Variants in NEGR1 observed in about 807,000 individuals in gnomAD.
NEGR1 encodes the protein neuronal growth regulator 1, also known as IgLON family member 4.
NEGR1 carries 10 observed loss-of-function variants against 40.9 expected under a neutral mutation model. The observed-to-expected ratio is 0.24, with a 90% CI of 0.15 to 0.42. The LOEUF is 0.42. Ranked by LOEUF, NEGR1 falls within the 10% of genes least tolerant of loss-of-function variation. The probability of loss-of-function intolerance (pLI) is 1.00; values close to 1 mark genes in which losing one functional copy is unlikely to be tolerated. For missense variants in NEGR1, 352 were observed against 438.9 expected, an observed-to-expected ratio of 0.80 and a Z score of 1.77; for synonymous variants, 185 against 166.8, an observed-to-expected ratio of 1.11 and a Z score of -0.84.
chr1:72,250,429 AG>A (rs1655048492), intron 1 of NEGR1, among the ~76,000 whole-genome samples: 1 of 152,192 alleles, frequency 6.6e-6, no homozygotes, highest in African/African-American at 2.4e-5. Flanking sequence ...ATAATATGTT[AG>A]GAAAAAAATG....
At chr1:72,273,944 C>T (rs1655945601) in intron 1 of NEGR1, among the ~76,000 whole-genome samples, 1 of 151,466 alleles carries the variant, frequency 6.6e-6, no homozygotes, top group South Asian at 2.1e-4. Flanking sequence ...TGTGCTAAGG[C>T]CCTAGGGATA....
intron 6 of NEGR1, among the ~76,000 whole-genome samples, chr1:71,463,742 T>A (rs1226378591): frequency 1.3e-5 from 2 of 152,162 alleles, no homozygotes; most frequent in Admixed American, 6.6e-5. Context: ...TTTCTTATTG[T>A]GAGATATTGA....
At chr1:71,469,859 T>G (rs1047351959) in intron 6 of NEGR1, among the ~76,000 whole-genome samples, 4 of 152,046 alleles carry the variant, frequency 2.6e-5, no homozygotes, top group African/African-American at 9.7e-5. Flanking sequence ...AAAAGTAGAG[T>G]TGATCTTTTT....
At chr1:71,576,218 G>A (rs1648962044) in intron 6 of NEGR1, among the ~76,000 whole-genome samples, 1 of 152,128 alleles carries the variant, frequency 6.6e-6, no homozygotes, top group South Asian at 2.1e-4. Flanking sequence ...CAACTGGCAG[G>A]AGCTGATCAT....
chr1:71,816,919 C>T (rs2101770386), intron 2 of NEGR1, among the ~76,000 whole-genome samples: 1 of 148,366 alleles, frequency 6.7e-6, no homozygotes, highest in Admixed American at 6.9e-5. Context: ...AATACTGTCA[C>T]TTCCTTTTTT....
At chr1:71,993,743 T>C (rs905949009) in intron 1 of NEGR1, among the ~76,000 whole-genome samples, 11 of 152,222 alleles carry the variant, frequency 7.2e-5, no homozygotes, top group Admixed American at 7.2e-4. Context: ...ATTGTATAGA[T>C]GAATAAATTA....
rs763979373 is a variant in NEGR1, at chr1:72,084,086, G to A, written c.177-148775C>T. Among the ~76,000 whole-genome samples the A allele has an allele frequency of 5.3e-5, 8 of 152,000 alleles. No individual in the cohort carries two copies. The East Asian group carries it at 7.7e-4, about 15-fold the overall frequency. On this transcript the variant is annotated intron_variant, in intron 1 of 6. Coordinates refer to ENST00000357731, the MANE Select transcript of NEGR1 (RefSeq NM_173808.3). ...CCTGGCACCTACTGATCTTTTCATC[G>A]TCTTCATAGTTTTCTTTTTTTTTCT...
intron 6 of NEGR1, among the ~76,000 whole-genome samples, chr1:71,565,853 C>CT (rs1648605509): frequency 6.6e-6 from 1 of 152,138 alleles, no homozygotes; most frequent in South Asian, 2.1e-4. Context: ...TTCTAAATTT[C>CT]TTTTTTTATT....
At chr1:71,729,028 CT>C (rs1173324732) in intron 3 of NEGR1, among the ~76,000 whole-genome samples, 1 of 152,022 alleles carries the variant, frequency 6.6e-6, no homozygotes, top group Non-Finnish European at 1.5e-5. Context: ...CGGCTTAAAA[CT>C]TTTTTGTGAT....
At chr1:72,135,305 G>A (rs1650410542) in intron 1 of NEGR1, among the ~76,000 whole-genome samples, 1 of 145,132 alleles carries the variant, frequency 6.9e-6, no homozygotes, top group Admixed American at 7.0e-5. Context: ...GAACCCGGGA[G>A]GCGGAGCTTG....
At chr1:71,485,081 C>T (rs181782307) in intron 6 of NEGR1, among the ~76,000 whole-genome samples, 1 of 151,434 alleles carries the variant, frequency 6.6e-6, no homozygotes, top group Non-Finnish European at 1.5e-5. Context: ...AATAATTGTC[C>T]CCAAGCTTGA....
chr1:71,675,259 G>A lies in NEGR1; in HGVS notation c.667+22749C>T, dbSNP rs888543144. ...GTTAAGTGCCTTTGAACTCAGGTCT[G>A]GTCTGACACTAGACCTACTACTCAC... On this transcript the variant is annotated intron_variant, in intron 4 of 6. Coordinates refer to ENST00000357731, the MANE Select transcript of NEGR1 (RefSeq NM_173808.3). 1.1e-4 allele frequency among the ~76,000 whole-genome samples: 16 copies of A among 150,276 alleles called. No homozygotes were observed. In the Admixed American group the frequency reaches 1.1e-3, roughly 10 times the overall value.
At chr1:71,985,139 G>A (rs1646383912) in intron 1 of NEGR1, among the ~76,000 whole-genome samples, 1 of 152,074 alleles carries the variant, frequency 6.6e-6, no homozygotes, top group Non-Finnish European at 1.5e-5. Flanking sequence ...ATTAATCTCT[G>A]TGAGCTTTGA....
intron 2 of NEGR1, among the ~76,000 whole-genome samples, chr1:71,901,409 G>T (rs1449875314): frequency 6.6e-6 from 1 of 152,106 alleles, no homozygotes; most frequent in East Asian, 1.9e-4. Flanking sequence ...GGCCCCATGA[G>T]AGCAGCCTCT....
intron 3 of NEGR1, among the ~76,000 whole-genome samples, chr1:71,732,320 AAAAC>A (rs1400092657): frequency 1.3e-5 from 2 of 152,108 alleles, no homozygotes; most frequent in African/African-American, 4.8e-5. Context: ...GACCTTATCT[AAAAC>A]AAACAAACAA....
At chr1:71,894,751 T>G (rs543036717) in intron 2 of NEGR1, among the ~76,000 whole-genome samples, 32 of 152,236 alleles carry the variant, frequency 2.1e-4, no homozygotes, top group African/African-American at 7.5e-4. Context: ...TTAAAAAAAG[T>G]GAGAGAGAGC....
intron 1 of NEGR1, among the ~76,000 whole-genome samples, chr1:72,093,985 G>A (rs1397697486): frequency 6.6e-6 from 1 of 152,092 alleles, no homozygotes; most frequent in Non-Finnish European, 1.5e-5. Flanking sequence ...TTGCTTAATG[G>A]TCAATAATAA....
chr1:72,049,821 G>A (rs576096088), intron 1 of NEGR1, among the ~76,000 whole-genome samples: 16 of 151,574 alleles, frequency 1.1e-4, no homozygotes, highest in South Asian at 2.1e-4. Flanking sequence ...TTATTATTTC[G>A]CTCTATAAAT....
At chr1:71,533,478 A>G (rs1156518710) in intron 6 of NEGR1, among the ~76,000 whole-genome samples, 1 of 151,656 alleles carries the variant, frequency 6.6e-6, no homozygotes, top group Non-Finnish European at 1.5e-5. Flanking sequence ...TTGTGTAGAA[A>G]GTAAATATAC....
Sources: allele counts gnomAD v4.1 joint callset (sites outside exome capture counted in the v4.1 genomes callset), GRCh38; gene constraint gnomAD v4.1.1; transcripts MANE v1.5; gene names NCBI Gene and HGNC (gene_info 2026-07-23, HGNC 2026-07-21).